CELF5: variants seen among roughly 807,000 people sequenced by gnomAD.
CELF5 encodes the protein CUGBP Elav-like family member 5, also known as CUG-BP and ETR-3 like factor 5.
In CELF5, 6 loss-of-function variants were observed where a neutral mutation model predicts 54.9. The observed-to-expected ratio is 0.11, with a 90% CI of 0.06 to 0.22. The LOEUF (loss-of-function observed/expected upper bound fraction) is 0.22, where lower values mean the gene tolerates loss of function less well. Among genes scored for constraint, CELF5 ranks in the 10% least tolerant of loss-of-function variants. CELF5 has a pLI of 1.00. For synonymous variants in CELF5, 271 were observed against 290.9 expected (o/e 0.93, Z 0.70); for missense variants, 401 against 678.6 (o/e 0.59, Z 4.54).
intron 2 of CELF5, among the ~76,000 whole-genome samples, chr19:3,266,425 CAA>C (rs551400047): frequency 8.5e-5 from 11 of 129,726 alleles, no homozygotes; most frequent in Non-Finnish European, 5.0e-5. Context: ...CCAGTACAAA[CAA>C]AAAAAAAAAA....
chr19:3,291,931 TC>T (rs2080356276), intron 11 of CELF5, among the ~76,000 whole-genome samples: 1 of 101,280 alleles, frequency 9.9e-6, no homozygotes, highest in Non-Finnish European at 2.6e-5. Context: ...AGAACCAGAC[TC>T]TTTTTTTTTG....
chr19:3,265,441 A>G (rs918116521), intron 2 of CELF5, among the ~76,000 whole-genome samples: 4 of 152,230 alleles, frequency 2.6e-5, no homozygotes, highest in African/African-American at 4.8e-5. Flanking sequence ...GGGCCACCCC[A>G]TGGGCAGTGA....
intron 2 of CELF5, among the ~76,000 whole-genome samples, chr19:3,263,741 C>CA (rs2079840730): frequency 6.6e-6 from 1 of 151,524 alleles, no homozygotes; most frequent in Admixed American, 6.6e-5. Context: ...CCCGTCTCTA[C>CA]TAAAAATACA....
At chr19:3,290,818 G>A (rs56211586) in intron 11 of CELF5, among the ~76,000 whole-genome samples, 18,210 of 149,966 alleles carry the variant, frequency 0.12, 1,183 homozygotes, top group Middle Eastern at 0.21. Flanking sequence ...TGCCCGCCTC[G>A]GCCTCCCAAA....
intron 1 of CELF5, among the ~76,000 whole-genome samples, chr19:3,244,174 G>A (rs1012544179): frequency 7.2e-5 from 11 of 152,022 alleles, no homozygotes; most frequent in African/African-American, 2.7e-4. Context: ...AAGAGATCAC[G>A]GAAGCCATAA....
chr19:3,267,276 G>T (rs1168281579), intron 2 of CELF5, among the ~76,000 whole-genome samples: 1 of 142,510 alleles, frequency 7.0e-6, no homozygotes, highest in Admixed American at 7.8e-5. Flanking sequence ...GCTTTCTGAA[G>T]AGAGGGCAAC....
chr19:3,270,565 G>C lies in CELF5; in HGVS notation c.343-3307G>C, dbSNP rs993233420. 3.3e-4 allele frequency: 49 copies of C among 147,164 alleles called. No homozygotes were observed. The East Asian group carries it at 6.5e-3, about 19-fold the overall frequency. 9.1% of individuals were successfully genotyped at this position (147,164 alleles called of 1,614,324 possible). A position where few individuals can be genotyped will look rare whatever the true frequency, so the allele number is the denominator to read the frequency against. Reference sequence around the variant, plus strand: ...TCGGGCGCAGGGCGCGCGGCGCGGGGCCCGAGCGTGCAGTGCGGCGGGTGC... The same window carrying C: ...TCGGGCGCAGGGCGCGCGGCGCGGGCCCCGAGCGTGCAGTGCGGCGGGTGC... On this transcript the variant is annotated intron_variant, in intron 2 of 12. Coordinates refer to ENST00000292672, the MANE Select transcript of CELF5 (RefSeq NM_021938.4).
chr19:3,272,827 GAGA>G (rs1456024933), intron 2 of CELF5, among the ~76,000 whole-genome samples: 3 of 152,166 alleles, frequency 2.0e-5, no homozygotes, highest in African/African-American at 7.2e-5. Flanking sequence ...ATCAGGTTGG[GAGA>G]AGGATTGTGT....
chr19:3,250,883 G>GATTAAA, intron 1 of CELF5, 102 bp from the exon 2 acceptor site: 2 of 599,036 alleles, frequency 3.3e-6, no homozygotes, highest in South Asian at 2.6e-5. Flanking sequence ...ATCTGTGGAT[G>GATTAAA]GAAGCTTGGG....
chr19:3,251,177 C>A, intron 2 of CELF5, 110 bp downstream of exon 2: 1 of 788,062 alleles, frequency 1.3e-6, no homozygotes. Context: ...TGTCTCGGGA[C>A]TCAGAAAGAG....
intron 2 of CELF5, among the ~76,000 whole-genome samples, chr19:3,258,229 A>C (rs2079759021): frequency 6.6e-6 from 1 of 152,134 alleles, no homozygotes; most frequent in African/African-American, 2.4e-5. Context: ...ATATGCTGGG[A>C]TTACAGGCAT....
intron 2 of CELF5, among the ~76,000 whole-genome samples, chr19:3,265,958 C>T (rs1185975005): frequency 6.6e-6 from 1 of 152,040 alleles, no homozygotes; most frequent in Non-Finnish European, 1.5e-5. Flanking sequence ...AGGTGCCCAC[C>T]ACCACGCCCA....
At chr19:3,248,842 T>C (rs979484478) in intron 1 of CELF5, among the ~76,000 whole-genome samples, 4 of 145,924 alleles carry the variant, frequency 2.7e-5, no homozygotes, top group Admixed American at 2.0e-4. Flanking sequence ...CTACAAACTT[T>C]TTTCTTTCTT....
At chr19:3,244,142 G>A (rs2145032651) in intron 1 of CELF5, among the ~76,000 whole-genome samples, 1 of 152,138 alleles carries the variant, frequency 6.6e-6, no homozygotes, top group South Asian at 2.1e-4. Flanking sequence ...GACAAGCAAA[G>A]AGGCCAAGAA....
intron 1 of CELF5, among the ~76,000 whole-genome samples, chr19:3,244,866 G>A (rs950080873): frequency 4.0e-5 from 6 of 150,700 alleles, no homozygotes; most frequent in African/African-American, 1.5e-4. Flanking sequence ...TGTGTAGTGT[G>A]TGGTGTGTGT....
In CELF5 at chr19:3,281,228, C is replaced by T. The variant is rs772456790; in HGVS notation, c.633C>T (p.Phe211=). The change falls in exon 6 of 13, where the codon TTC becomes TTT. Residue 211 remains phenylalanine, a synonymous_variant. Transcript: ENST00000292672. This position sits in a 1 kb window ranked among gnomAD's most constrained non-coding sequence, Gnocchi z 6.5. ...CCTCCTCCAGCCTGGTGGTCAAGTTCGCCGACACGGACAAGGAGCGGACGC... is the reference window on the plus strand; with the variant it reads ...CCTCCTCCAGCCTGGTGGTCAAGTTTGCCGACACGGACAAGGAGCGGACGC... ...PGASSSLVVK[F]ADTDKERTLR... is the part of the protein sequence containing the mutation. 45 of 1,608,932 alleles carry T rather than the reference C, an allele frequency of 2.8e-5. No individual in the cohort carries two copies. The highest frequency in any genetic ancestry group is 3.7e-5 in the Non-Finnish European group (44 of 1,179,396).
At position 3,279,550 on chromosome 19, in the gene CELF5, G is replaced by A. The variant is rs896141846; in HGVS notation, c.603+1440G>A. On this transcript the variant is annotated intron_variant, in intron 5 of 12. Transcript: ENST00000292672. Reference sequence around the variant, plus strand: ...TCTCTATCGGAGGAGGCATGTCAGCGAAGACAGGGAGGCAACAGGGTGCAT... The same window carrying A: ...TCTCTATCGGAGGAGGCATGTCAGCAAAGACAGGGAGGCAACAGGGTGCAT... 4.6e-5 allele frequency among the ~76,000 whole-genome samples: 7 copies of A among 152,102 alleles called. No individual in the cohort carries two copies. The South Asian group carries it at 1.0e-3, about 23-fold the overall frequency.
chr19:3,242,182 G>A (rs914233549), intron 1 of CELF5, among the ~76,000 whole-genome samples: 1 of 152,180 alleles, frequency 6.6e-6, no homozygotes, highest in Non-Finnish European at 1.5e-5. Flanking sequence ...GCGAAAGCCA[G>A]GCAGTGGATC....
chr19:3,290,996 T>C (rs2080337284), intron 11 of CELF5, among the ~76,000 whole-genome samples: 1 of 151,736 alleles, frequency 6.6e-6, no homozygotes, highest in South Asian at 2.1e-4. Context: ...CTTAGTGGCG[T>C]GTGCCTGTAG....
Sources: allele counts gnomAD v4.1 joint callset (sites outside exome capture counted in the v4.1 genomes callset), GRCh38; gene constraint gnomAD v4.1.1; non-coding constraint Gnocchi (gnomAD v3.1); transcripts MANE v1.5; gene names NCBI Gene and HGNC (gene_info 2026-07-23, HGNC 2026-07-21).